Variants in GRIA3 observed in about 807,000 individuals in gnomAD.
GRIA3 encodes the protein glutamate ionotropic receptor AMPA type subunit 3.
In GRIA3, 3 loss-of-function variants were observed where a neutral mutation model predicts 63.0. That is an observed-to-expected ratio of 0.05 (90% CI 0.02 to 0.12). The LOEUF is 0.12. Ranked by LOEUF, GRIA3 falls within the 10% of genes least tolerant of loss-of-function variation. The pLI is 1.00. For synonymous variants in GRIA3, 274 were observed against 257.9 expected (o/e 1.06, Z -0.60); for missense variants, 347 against 700.9 (o/e 0.50, Z 5.70).
chrX:123,261,788 C>T (rs1014499288), intron 3 of GRIA3, among the ~76,000 whole-genome samples: 1 of 111,518 alleles, frequency 9.0e-6, no homozygotes, highest in Non-Finnish European at 1.9e-5. Flanking sequence ...GCTTCCTGAG[C>T]TAAAATGTCA....
intron 3 of GRIA3, among the ~76,000 whole-genome samples, chrX:123,280,823 A>T (rs935382706): frequency 8.9e-6 from 1 of 112,033 alleles, no homozygotes; most frequent in African/African-American, 3.2e-5. Flanking sequence ...GGAAGAGGAC[A>T]ATTATGCTAA....
At chrX:123,488,394 A>C (rs2045952596) in intron 15 of GRIA3, among the ~76,000 whole-genome samples, 1 of 112,544 alleles carries the variant, frequency 8.9e-6, no homozygotes, top group Non-Finnish European at 1.9e-5. Flanking sequence ...AGTTTCTGCA[A>C]TCAGAATACA....
chrX:123,407,037 A>G (rs993717100), intron 10 of GRIA3, among the ~76,000 whole-genome samples: 4 of 111,829 alleles, frequency 3.6e-5, no homozygotes, highest in African/African-American at 1.3e-4. Flanking sequence ...TAATGAATCA[A>G]TGCCTGGCAT....
intron 5 of GRIA3, among the ~76,000 whole-genome samples, chrX:123,377,936 T>C (rs191871341): frequency 1.4e-3 from 159 of 112,506 alleles, no homozygotes; most frequent in African/African-American, 4.7e-3. Context: ...TTAATATTTT[T>C]GGATTTTATA....
At position 123,468,986 on chromosome X, in the gene GRIA3, G is replaced by A. The variant is rs181690342; in HGVS notation, c.2324+3874G>A. On this transcript the variant is annotated intron_variant, in intron 13 of 15. Coordinates refer to ENST00000620443, the MANE Select transcript of GRIA3 (RefSeq NM_007325.5). ...ATGAGCAATGTGAATCTGATTGCAA[G>A]CGATATGTTTCCATAAGAATCAGGT... Among the ~76,000 whole-genome samples the A allele has an allele frequency of 7.1e-5, 8 of 112,618 alleles. No homozygotes were observed. The East Asian group carries it at 2.2e-3, about 31-fold the overall frequency.
chrX:123,433,000 C>A (rs1044776643), intron 12 of GRIA3, among the ~76,000 whole-genome samples: 1 of 111,682 alleles, frequency 9.0e-6, no homozygotes, highest in African/African-American at 3.2e-5. Context: ...ATGTATACCA[C>A]ACCCAGAAAC....
chrX:123,379,851 T>A (rs1603123414), intron 5 of GRIA3, among the ~76,000 whole-genome samples: 1 of 92,045 alleles, frequency 1.1e-5, no homozygotes, highest in Non-Finnish European at 2.1e-5. Flanking sequence ...TGTCCATGTG[T>A]TCTCATTGTT....
At chrX:123,417,321 G>T in intron 10 of GRIA3, 81 bp from the exon 11 acceptor site, 2 of 803,674 alleles carry the variant, frequency 2.5e-6, no homozygotes, top group Non-Finnish European at 3.7e-6. Context: ...TTTCACCAAA[G>T]AAGTATATTA....
At chrX:123,203,719 G>C (rs1390021195) in intron 2 of GRIA3, among the ~76,000 whole-genome samples, 1 of 111,981 alleles carries the variant, frequency 8.9e-6, no homozygotes, top group Admixed American at 9.5e-5. Flanking sequence ...AGATACAGGG[G>C]TTTGTTTTGT....
Position 123,184,549 on chromosome X carries a change from A to C in GRIA3, c.14A>C (p.Lys5Thr), listed in dbSNP as rs1457703957. 4.1e-6 allele frequency: 5 copies of C among 1,206,609 alleles called. No homozygotes were observed. In the African/African-American group the frequency reaches 7.1e-5, roughly 17 times the overall value. ...TTTAGGCGTAGCATGGCCAGGCAGA[A>C]GAAAATGGGGCAAAGCGTGCTCCGG... MARQ[K>T]KMGQSVLRAV... Residue 5 changes from lysine to threonine, a missense_variant, in exon 1 of 16, where the codon AAG becomes ACG. Transcript: ENST00000620443.
At chrX:123,424,430 G>A (rs1236006018) in intron 11 of GRIA3, among the ~76,000 whole-genome samples, 1 of 111,684 alleles carries the variant, frequency 9.0e-6, no homozygotes, top group Non-Finnish European at 1.9e-5. Flanking sequence ...CTAAACAAGG[G>A]AATAAAGTGG....
intron 15 of GRIA3, among the ~76,000 whole-genome samples, chrX:123,486,828 G>T (rs1392894176): frequency 8.9e-6 from 1 of 112,077 alleles, no homozygotes; most frequent in Non-Finnish European, 1.9e-5. Context: ...GGTACCCTGA[G>T]ATTTTACTTC....
chrX:123,298,032 A>G (rs1327918232), intron 3 of GRIA3, among the ~76,000 whole-genome samples: 2 of 111,124 alleles, frequency 1.8e-5, no homozygotes, highest in Non-Finnish European at 1.9e-5. Context: ...AGCTCCATCA[A>G]TGTCTCCTCA....
At chrX:123,224,770 A>G (rs998370630) in intron 2 of GRIA3, among the ~76,000 whole-genome samples, 1 of 112,115 alleles carries the variant, frequency 8.9e-6, no homozygotes, top group African/African-American at 3.2e-5. Context: ...AAGCAGTTAA[A>G]TATTTAAATT....
chrX:123,418,162 A>G (rs2056446824), intron 11 of GRIA3, among the ~76,000 whole-genome samples: 1 of 111,982 alleles, frequency 8.9e-6, no homozygotes, highest in Admixed American at 9.5e-5. Flanking sequence ...TTGGATCCAG[A>G]CAAAATTTAA....
chrX:123,189,812 C>G lies in GRIA3; in HGVS notation c.268+3822C>G, dbSNP rs1302079566. On this transcript the variant is annotated intron_variant, in intron 2 of 15. Transcript: ENST00000620443. ...CTTTAATGGAGCCCCAGGTAAAATC[C>G]CTTTTGCTGGCTAAACGTAACCCAT... Among the ~76,000 whole-genome samples the G allele has an allele frequency of 2.7e-5, 3 of 111,198 alleles. No homozygotes were observed. The East Asian group carries it at 8.4e-4, about 31-fold the overall frequency.
intron 5 of GRIA3, among the ~76,000 whole-genome samples, chrX:123,377,084 G>A (rs1208326833): frequency 2.7e-5 from 3 of 109,441 alleles, no homozygotes; most frequent in Non-Finnish European, 3.8e-5. Context: ...ATAGGCGCCC[G>A]CCACCATGCC....
chrX:123,234,867 G>A (rs1380596948), intron 2 of GRIA3, among the ~76,000 whole-genome samples: 4 of 111,664 alleles, frequency 3.6e-5, no homozygotes, highest in African/African-American at 1.3e-4. Flanking sequence ...TAACTGGATC[G>A]TAAGCTCAAA....
At chrX:123,356,160 G>T (rs964269076) in intron 5 of GRIA3, among the ~76,000 whole-genome samples, 1 of 111,971 alleles carries the variant, frequency 8.9e-6, no homozygotes, top group Non-Finnish European at 1.9e-5. Context: ...ACTGTGGCTT[G>T]TCAGGATATA....
Sources: allele counts gnomAD v4.1 joint callset (sites outside exome capture counted in the v4.1 genomes callset), GRCh38; gene constraint gnomAD v4.1.1; transcripts MANE v1.5; gene names NCBI Gene and HGNC (gene_info 2026-07-23, HGNC 2026-07-21).